GIN1: variants seen among roughly 807,000 people sequenced by gnomAD.
GIN1 encodes the protein gypsy retrotransposon integrase-like protein 1.
A neutral mutation model predicts 51.4 loss-of-function variants in GIN1; 41 were observed. That is an observed-to-expected ratio of 0.80 (90% CI 0.62 to 1.04). The LOEUF is 1.04. GIN1 is among the 50% of genes least tolerant of loss of function. The pLI, the probability that GIN1 is intolerant of heterozygous loss-of-function variation, is 0.00. For synonymous variants in GIN1, 222 were observed against 206.5 expected, an observed-to-expected ratio of 1.07 and a Z score of -0.64; for missense variants, 610 against 612.4, an observed-to-expected ratio of 1.00 and a Z score of 0.04.
chr5:103,109,902 T>C (rs1466908700), intron 1 of GIN1, among the ~76,000 whole-genome samples: 1 of 152,128 alleles, frequency 6.6e-6, no homozygotes, highest in Non-Finnish European at 1.5e-5. Flanking sequence ...AATACATCAC[T>C]GTAATTGAAC....
At chr5:103,090,840 A>C (rs1787216848) in intron 7 of GIN1, among the ~76,000 whole-genome samples, 1 of 152,122 alleles carries the variant, frequency 6.6e-6, no homozygotes, top group South Asian at 2.1e-4. Context: ...ACAAATGGAC[A>C]TACCAACCTC....
chr5:103,092,729 T>C (rs1160174834), intron 7 of GIN1, among the ~76,000 whole-genome samples: 1 of 151,904 alleles, frequency 6.6e-6, no homozygotes, highest in African/African-American at 2.4e-5. Context: ...GAGGACTGCT[T>C]GAGTCCAGGA....
intron 7 of GIN1, among the ~76,000 whole-genome samples, chr5:103,088,466 TAGA>T (rs536662202): frequency 9.9e-4 from 151 of 152,264 alleles, no homozygotes; most frequent in African/African-American, 3.5e-3. Context: ...GACAACGGGA[TAGA>T]AGGAGTGAGA....
chr5:103,119,806 G>C (rs530110574), intron 1 of GIN1, among the ~76,000 whole-genome samples: 7 of 152,250 alleles, frequency 4.6e-5, no homozygotes, highest in Admixed American at 3.3e-4. Flanking sequence ...GAAAATGACC[G>C]TTTGGTAAAA....
intron 1 of GIN1, among the ~76,000 whole-genome samples, chr5:103,119,499 T>A (rs1788287586): frequency 6.6e-6 from 1 of 152,206 alleles, no homozygotes; most frequent in Non-Finnish European, 1.5e-5. Context: ...CTTTAAAAAG[T>A]ATCTACTTTG....
intron 1 of GIN1, among the ~76,000 whole-genome samples, chr5:103,117,634 T>G (rs1788078675): frequency 6.6e-6 from 1 of 151,458 alleles, no homozygotes; most frequent in Admixed American, 6.6e-5. Flanking sequence ...GAGTCTGTAT[T>G]CGTGCAATGC....
At chr5:103,119,419 C>A (rs1433833553) in intron 1 of GIN1, among the ~76,000 whole-genome samples, 8 of 152,160 alleles carry the variant, frequency 5.3e-5, no homozygotes. Flanking sequence ...AGTACAAATT[C>A]ATTGAACAAA....
intron 7 of GIN1, among the ~76,000 whole-genome samples, chr5:103,089,243 T>C (rs1554194254): frequency 6.6e-6 from 1 of 152,176 alleles, no homozygotes. Context: ...GTTAAACTGA[T>C]GGCAAATCTT....
intron 7 of GIN1, among the ~76,000 whole-genome samples, chr5:103,096,117 A>G (rs34811): frequency 0.31 from 47,044 of 151,956 alleles, 7,470 homozygotes; most frequent in East Asian, 0.45. Flanking sequence ...CAAGGCGGGC[A>G]GGTCACGGGA....
chr5:103,089,600 A>G (rs1257346750), intron 7 of GIN1, among the ~76,000 whole-genome samples: 3 of 152,068 alleles, frequency 2.0e-5, no homozygotes, highest in Non-Finnish European at 4.4e-5. Flanking sequence ...GGGACCATAG[A>G]CACATGTCAC....
At chr5:103,109,323 GACATAAATCTT>G (rs1209257386) in intron 1 of GIN1, among the ~76,000 whole-genome samples, 15 of 152,070 alleles carry the variant, frequency 9.9e-5, no homozygotes, top group Admixed American at 9.2e-4. Context: ...CTAGGATTCT[GACATAAATCTT>G]ACAATTTTGA....
At chr5:103,119,861 T>A (rs1159851931) in intron 1 of GIN1, among the ~76,000 whole-genome samples, 3 of 152,128 alleles carry the variant, frequency 2.0e-5, no homozygotes, top group Admixed American at 6.5e-5. Context: ...GAAACAGCAC[T>A]CGCCCTTTCT....
chr5:103,090,232 T>C (rs1787199080), intron 7 of GIN1, among the ~76,000 whole-genome samples: 1 of 152,134 alleles, frequency 6.6e-6, no homozygotes, highest in African/African-American at 2.4e-5. Context: ...GAGGTTGCAG[T>C]AAGGCGAGAT....
intron 7 of GIN1, among the ~76,000 whole-genome samples, chr5:103,090,597 A>G (rs2151460778): frequency 6.6e-6 from 1 of 152,324 alleles, no homozygotes; most frequent in East Asian, 1.9e-4. Context: ...TACCATAGGC[A>G]TTTAAGAAAT....
chr5:103,119,202 G>A (rs550620912), intron 1 of GIN1, among the ~76,000 whole-genome samples: 12 of 152,268 alleles, frequency 7.9e-5, no homozygotes, highest in African/African-American at 2.6e-4. Flanking sequence ...TAAAAACAAA[G>A]CCACCAATTT....
At chr5:103,105,200 T>G (rs907351311) in intron 3 of GIN1, among the ~76,000 whole-genome samples, 1 of 152,102 alleles carries the variant, frequency 6.6e-6, no homozygotes, top group Non-Finnish European at 1.5e-5. Context: ...TTCTTGTATA[T>G]GTGAGTTTCA....
At chr5:103,105,985 ATTATAC>A (rs1787712608) in intron 3 of GIN1, among the ~76,000 whole-genome samples, 1 of 152,140 alleles carries the variant, frequency 6.6e-6, no homozygotes, top group Non-Finnish European at 1.5e-5. Context: ...TAACTCACAA[ATTATAC>A]TTATGAAATT....
At chr5:103,099,205 G>GT (rs1787498485) in intron 4 of GIN1, among the ~76,000 whole-genome samples, 3 of 152,114 alleles carry the variant, frequency 2.0e-5, no homozygotes, top group Non-Finnish European at 4.4e-5. Flanking sequence ...CCAAAAAGTT[G>GT]TAAGTAAAAG....
At chr5:103,089,315 A>T (rs78636824) in intron 7 of GIN1, among the ~76,000 whole-genome samples, 1 of 152,340 alleles carries the variant, frequency 6.6e-6, no homozygotes, top group Non-Finnish European at 1.5e-5. Context: ...ATTCATTACA[A>T]TAAGAAACTC....
Sources: gnomAD v4.1 joint callset for allele counts (sites outside exome capture counted in the v4.1 genomes callset) on GRCh38, gnomAD v4.1.1 for gene constraint, MANE v1.5 for transcripts, NCBI Gene and HGNC (gene_info 2026-07-23, HGNC 2026-07-21) for gene names.